The following ZNF239 variants were observed in gnomAD, a reference collection of about 807,000 sequenced individuals.
ZNF239 encodes zinc finger protein 239, also known as zinc finger protein (C2H2) homologous to mouse MOK-2.
Under a neutral mutation model 27.5 loss-of-function variants are expected in ZNF239, and 16 were observed. The ratio of observed to expected loss-of-function variants is 0.58; its 90% CI spans 0.39 to 0.88. The LOEUF (loss-of-function observed/expected upper bound fraction) is 0.88. ZNF239 is among the 40% of genes least tolerant of loss of function. The pLI is 0.00. For missense variants in ZNF239, 527 were observed against 551.9 expected (o/e 0.95, Z 0.45); for synonymous variants, 199 against 192.6 (o/e 1.03, Z -0.27).
At chr10:43,573,517 T>C (rs1564471336) in intron 2 of ZNF239, 120 bp downstream of exon 2, 2 of 588,058 alleles carry the variant, frequency 3.4e-6, no homozygotes, top group Non-Finnish European at 4.3e-6. Context: ...AGTATCTTAA[T>C]GTCCCTACAT....
chr10:43,570,565 A>AT (rs1162692137), intron 2 of ZNF239: 65 of 983,694 alleles, frequency 6.6e-5, no homozygotes, highest in Non-Finnish European at 7.8e-5. Flanking sequence ...TCTCTCCCTT[A>AT]TTTTTTTATC....
rs1284487366 is a variant in ZNF239 at position 43,556,766 on chromosome 10, C to T, written c.1314G>A (p.Lys438=). The change falls in exon 4 of 4, where the codon AAG becomes AAA. Residue 438 remains lysine (K), a synonymous_variant. Transcript: ENST00000374446. ...EKPYECSKCG[K]GFSQSSNLHI... is the part of the protein sequence containing the mutation. Reference sequence around the variant, plus strand: ...GAAGGTTGGAGCTCTGGCTGAAGCCCTTCCCACACTTGCTGCACTCATAGG... The same window carrying T: ...GAAGGTTGGAGCTCTGGCTGAAGCCTTTCCCACACTTGCTGCACTCATAGG... 2 of 1,614,018 alleles carry T rather than the reference C, an allele frequency of 1.2e-6. No homozygotes were observed. The highest frequency in any genetic ancestry group is 1.7e-6 in the Non-Finnish European group (2 of 1,180,034).
chr10:43,574,359 C>A (rs1401011052), intron 1 of ZNF239, among the ~76,000 whole-genome samples, 181 bp downstream of exon 1: 1 of 152,160 alleles, frequency 6.6e-6, no homozygotes, highest in African/African-American at 2.4e-5. Context: ...CGCAGCAGCT[C>A]GGAAATGCGG....
rs574341744 is a variant in ZNF239, at chr10:43,572,722, T to C, written c.-216+915A>G. Among the ~76,000 whole-genome samples the C allele has an allele frequency of 1.6e-4, 24 of 152,236 alleles. 1 individual carries two copies. In the South Asian group the frequency reaches 1.7e-3, roughly 11 times the overall value. On this transcript the variant is annotated intron_variant, in intron 2 of 3. Transcript: ENST00000374446. ...ATCTCAAACACCATGGGATTCTAAGTGGGGGCTGACCATCTCAAATACCCT... is the reference window on the plus strand; with the variant it reads ...ATCTCAAACACCATGGGATTCTAAGCGGGGGCTGACCATCTCAAATACCCT...
At chr10:43,560,270 C>T (rs898551762) in intron 3 of ZNF239, among the ~76,000 whole-genome samples, 1 of 152,134 alleles carries the variant, frequency 6.6e-6, no homozygotes, top group Non-Finnish European at 1.5e-5. Flanking sequence ...TAATGTTGAA[C>T]GTACACAATG....
In ZNF239 at chr10:43,567,952, G is replaced by C. The variant is rs1837790179; in HGVS notation, c.-146C>G. ...ATCACAGCTCCGCACAGCTTCCTGG[G>C]AGCAGAGTCCAGGTGACCTCACTCC... is the stretch of plus-strand genomic sequence containing the variant. On this transcript the variant is annotated 5_prime_UTR_variant, in exon 3 of 4. Transcript: ENST00000374446. 4.1e-6 allele frequency: 4 copies of C among 985,858 alleles called. No individual in the cohort carries two copies. The highest frequency in any genetic ancestry group is 1.7e-5 in the African/African-American group (1 of 57,310). 61.1% of individuals were successfully genotyped at this position (985,858 alleles called of 1,614,324 possible). A position where few individuals can be genotyped will look rare whatever the true frequency, so the allele number is the denominator to read the frequency against.
At position 43,557,688 on chromosome 10, in the gene ZNF239, A is replaced by G. The variant is rs1836886544; in HGVS notation, c.392T>C (p.Leu131Ser). The part of the protein sequence containing the change: ...VSDGQELASP[L>S]LNGEATCQNG... ...CTGGCAAGTTGCCTCACCATTTAAC[A>G]ATGGCGAGGCCAGTTCTTGTCCATC... is the stretch of plus-strand genomic sequence containing the variant. Residue 131 changes from leucine (L) to serine (S), a missense_variant, in exon 4 of 4, where the codon TTG becomes TCG. Coordinates refer to ENST00000374446, the MANE Select transcript of ZNF239 (RefSeq NM_001099282.2). 2 of 1,614,182 alleles carry G rather than the reference A, an allele frequency of 1.2e-6. No homozygotes were observed. The highest frequency in any genetic ancestry group is 2.7e-5 in the African/African-American group (2 of 75,064).
intron 2 of ZNF239, among the ~76,000 whole-genome samples, chr10:43,572,442 C>A (rs1466326546): frequency 6.6e-6 from 1 of 152,212 alleles, no homozygotes; most frequent in Non-Finnish European, 1.5e-5. Flanking sequence ...AAAAGATGGC[C>A]TTTGCTGGTA....
At chr10:43,567,772 A>AC in intron 3 of ZNF239, 127 bp downstream of exon 3, 1 of 424,942 alleles carries the variant, frequency 2.4e-6, no homozygotes, top group Non-Finnish European at 3.1e-6. Context: ...TAAAACTACC[A>AC]TTCTCCAATT....
At chr10:43,574,350 G>A (rs992468998) in intron 1 of ZNF239, among the ~76,000 whole-genome samples, 190 bp downstream of exon 1, 2 of 152,186 alleles carry the variant, frequency 1.3e-5, no homozygotes, top group Non-Finnish European at 1.5e-5. Context: ...CCCCGGGGGC[G>A]CAGCAGCTCG....
In ZNF239 at chr10:43,567,996, G is replaced by T. The variant is rs1486046638; in HGVS notation, c.-190C>A. Reference sequence around the variant, plus strand: ...TCACTCCTCCTCGGTGAAGGCCACAGAGGCATCCTTGAATGTAACTGGTTC... The same window carrying T: ...TCACTCCTCCTCGGTGAAGGCCACATAGGCATCCTTGAATGTAACTGGTTC... On this transcript the variant is annotated 5_prime_UTR_variant, in exon 3 of 4. It adds an upstream start codon to the 5' untranslated region. Transcript: ENST00000374446. 1.0e-6 allele frequency: 1 copy of T among 985,932 alleles called. No individual in the cohort carries two copies. The highest frequency in any genetic ancestry group is 1.1e-4 in the East Asian group (1 of 8,818). The allele number at this position is 985,932 out of a possible 1,614,324, so 61.1% of individuals were successfully genotyped here. A position where few individuals can be genotyped will look rare whatever the true frequency, so the allele number is the denominator to read the frequency against.
At chr10:43,561,889 T>A (rs533232215) in intron 3 of ZNF239, among the ~76,000 whole-genome samples, 5 of 151,956 alleles carry the variant, frequency 3.3e-5, no homozygotes, top group Admixed American at 1.3e-4. Context: ...TAAACAAAAC[T>A]CTACAATAAC....
At chr10:43,558,633 G>C (rs1364271923) in intron 3 of ZNF239, among the ~76,000 whole-genome samples, 1 of 152,088 alleles carries the variant, frequency 6.6e-6, no homozygotes, top group African/African-American at 2.4e-5. Context: ...ATTTTTAGTA[G>C]AGGTGTGGTT....
At chr10:43,573,275 T>A (rs1227511576) in intron 2 of ZNF239, among the ~76,000 whole-genome samples, 1 of 152,240 alleles carries the variant, frequency 6.6e-6, no homozygotes, top group Non-Finnish European at 1.5e-5. Flanking sequence ...CCGTGGTTTA[T>A]CATTCTATCT....
At chr10:43,559,313 G>GA (rs2132235936) in intron 3 of ZNF239, among the ~76,000 whole-genome samples, 1 of 152,298 alleles carries the variant, frequency 6.6e-6, no homozygotes, top group East Asian at 1.9e-4. Context: ...TTTAGGTAGC[G>GA]AGACGGCTGC....
chr10:43,567,892 T>C lies in ZNF239; in HGVS notation c.-93+7A>G. Reference sequence around the variant, plus strand: ...GCAGGTGTCCAAGTTCACATGTCCTTACCCACCAAGACCAAGTTTCTGTAG... The same window carrying C: ...GCAGGTGTCCAAGTTCACATGTCCTCACCCACCAAGACCAAGTTTCTGTAG... On this transcript the variant is annotated splice_region_variant and intron_variant, in intron 3 of 3. Transcript: ENST00000374446. The C allele has an allele frequency of 1.0e-6, 1 of 985,738 alleles. No homozygotes were observed. The highest frequency in any genetic ancestry group is 1.2e-6 in the Non-Finnish European group (1 of 829,910). The allele number at this position is 985,738 out of a possible 1,614,324, so 61.1% of individuals were successfully genotyped here. A position where few individuals can be genotyped will look rare whatever the true frequency, so the allele number is the denominator to read the frequency against.
intron 2 of ZNF239, chr10:43,568,396 T>C (rs1348133100): frequency 3.0e-6 from 3 of 985,300 alleles, no homozygotes; most frequent in Non-Finnish European, 3.6e-6. Flanking sequence ...CATTTCTTAA[T>C]CTCCACAGTG....
In ZNF239 at chr10:43,557,144, G is replaced by A. The variant is rs879112022; in HGVS notation, c.936C>T (p.Val312=). ...ACTCATAGGGCTTCTCTCCAGTGTG[G>A]ACTCGCTGGTGGATGTGCAGTTTGG... is the stretch of plus-strand genomic sequence containing the variant. ...QSSKLHIHQR[V]HTGEKPYECE... is the part of the protein sequence containing the mutation. Residue 312 remains valine, a synonymous_variant, in exon 4 of 4, where the codon GTC becomes GTT. Transcript: ENST00000374446. 1 of 1,611,544 alleles carries A rather than the reference G, an allele frequency of 6.2e-7. No individual in the cohort carries two copies. Among genetic ancestry groups the A allele is most frequent in the Non-Finnish European group, 8.5e-7 (1 of 1,178,736 alleles).
At chr10:43,568,142 G>A in intron 2 of ZNF239, 121 bp from the exon 3 acceptor site, 1 of 985,520 alleles carries the variant, frequency 1.0e-6, no homozygotes, top group Non-Finnish European at 1.2e-6. Context: ...TGCAGCTCAG[G>A]GATCTGAGTG....
Sources: gnomAD v4.1 joint callset for allele counts (sites outside exome capture counted in the v4.1 genomes callset) on GRCh38, gnomAD v4.1.1 for gene constraint, MANE v1.5 for transcripts, NCBI Gene and HGNC (gene_info 2026-07-23, HGNC 2026-07-21) for gene names.